PSD2: variants seen among roughly 807,000 people sequenced by gnomAD.
The protein encoded by PSD2 is PH and SEC7 domain-containing protein 2.
PSD2 carries 38 observed loss-of-function variants against 69.8 expected under a neutral mutation model. The ratio of observed to expected loss-of-function variants is 0.54; its 90% CI spans 0.42 to 0.71. The LOEUF is 0.71. PSD2 is among the 30% of genes least tolerant of loss of function. The pLI is 0.00. For missense variants in PSD2, 943 were observed against 1,014.5 expected, an observed-to-expected ratio of 0.93 and a Z score of 0.96; for synonymous variants, 412 against 423.0, an observed-to-expected ratio of 0.97 and a Z score of 0.32.
chr5:139,837,281 C>A lies in PSD2; in HGVS notation c.1665+43C>A. Reference sequence around the variant, plus strand: ...AGACCTTACTCAGAAAGGGCCAGCTCAGTCCCATCCCGCCCTGGCCTTGTG... The same window carrying A: ...AGACCTTACTCAGAAAGGGCCAGCTAAGTCCCATCCCGCCCTGGCCTTGTG... On this transcript the variant is annotated intron_variant, in intron 11 of 14. Transcript: ENST00000274710. The surrounding 1 kb of genome is among the most constrained non-coding windows in gnomAD (Gnocchi z 5.0). The A allele has an allele frequency of 6.3e-7, 1 of 1,588,512 alleles. No individual in the cohort carries two copies. The highest frequency in any genetic ancestry group is 8.6e-7 in the Non-Finnish European group (1 of 1,161,154).
At position 139,842,501 on chromosome 5, in the gene PSD2, T is replaced by TG. The variant is rs773401299; in HGVS notation, c.*30dup. 1 of 1,600,166 alleles carries TG rather than the reference T, an allele frequency of 6.2e-7. No individual in the cohort carries two copies. The highest frequency in any genetic ancestry group is 8.6e-7 in the Non-Finnish European group (1 of 1,169,560). On this transcript the variant is annotated 3_prime_UTR_variant, in exon 15 of 15. Transcript: ENST00000274710. ...TGACATGGATTTGCAGACCCCAGGG[T>TG]GGGCAGATGTCTCCAGTGGGGTCAG...
chr5:139,809,298 G>A (rs564878544), intron 1 of PSD2, 93 bp from the exon 2 acceptor site: 18 of 984,162 alleles, frequency 1.8e-5, no homozygotes, highest in Admixed American at 1.7e-4. Context: ...CCACTCTCAG[G>A]CAGGCTGCTC....
Position 139,840,182 on chromosome 5 carries a change from G to A in PSD2, c.2112+12G>A. 6.2e-7 allele frequency: 1 copy of A among 1,613,496 alleles called. No individual in the cohort carries two copies. The highest frequency in any genetic ancestry group is 1.3e-5 in the African/African-American group (1 of 75,014). Reference sequence around the variant, plus strand: ...ATCTCACCTTCGAGGTGAGCCTTGGGGGACTGGATTGCAAAGCCCAGTGCC... The same window carrying A: ...ATCTCACCTTCGAGGTGAGCCTTGGAGGACTGGATTGCAAAGCCCAGTGCC... On this transcript the variant is annotated intron_variant, in intron 14 of 14. Coordinates refer to ENST00000274710, the MANE Select transcript of PSD2 (RefSeq NM_032289.4).
At position 139,840,168 on chromosome 5, in the gene PSD2, G is replaced by A; in HGVS notation, c.2110G>A (p.Glu704Lys). ...GTTGAAGGAGCACTATCTCACCTTC[G>A]AGGTGAGCCTTGGGGGACTGGATTG... Reference protein sequence around the residue: ...YRLKEHYLTFEKSRYETYIHL... With the variant: ...YRLKEHYLTFKKSRYETYIHL... Residue 704 changes from glutamate to lysine, a missense_variant and splice_region_variant, in exon 14 of 15, where the codon GAG becomes AAG. Glu to Lys is a moderately conservative substitution (Grantham distance 56). Transcript: ENST00000274710. 2 of 1,613,884 alleles carry A rather than the reference G, an allele frequency of 1.2e-6. No individual in the cohort carries two copies. The highest frequency in any genetic ancestry group is 1.7e-6 in the Non-Finnish European group (2 of 1,179,924).
In PSD2 at chr5:139,826,341, A is replaced by G. The variant is rs551338381; in HGVS notation, c.1269+3557A>G. On this transcript the variant is annotated intron_variant, in intron 7 of 14. Transcript: ENST00000274710. ...AACAGCCCAACCTTGTGCATGTGCC[A>G]CCAGGATCAACCCAACAGACAAGAT... Among the ~76,000 whole-genome samples, 6 of 152,320 alleles carry G rather than the reference A, an allele frequency of 3.9e-5. No individual in the cohort carries two copies. In the East Asian group the frequency reaches 1.2e-3, roughly 29 times the overall value.
intron 8 of PSD2, among the ~76,000 whole-genome samples, chr5:139,834,433 A>C (rs1472353701): frequency 6.6e-6 from 1 of 151,158 alleles, no homozygotes; most frequent in Non-Finnish European, 1.5e-5. Context: ...CTATAGGTGC[A>C]TGCCACTGTG....
At chr5:139,776,526 T>C in the PSD2 span, among the ~76,000 whole-genome samples, 1 of 152,296 alleles carries the variant, frequency 6.6e-6, no homozygotes, top group South Asian at 2.1e-4. Flanking sequence ...ATAAGATATG[T>C]ACCCAGAGGC....
rs1426834869 is a variant in PSD2, at chr5:139,837,046, A to C, written c.1594+45A>C. 1 of 1,598,792 alleles carries C rather than the reference A, an allele frequency of 6.3e-7. No homozygotes were observed. Among genetic ancestry groups the C allele is most frequent in the South Asian group, 1.1e-5 (1 of 89,378 alleles). On this transcript the variant is annotated intron_variant, in intron 10 of 14. Transcript: ENST00000274710. This position sits in a 1 kb window ranked among gnomAD's most constrained non-coding sequence, Gnocchi z 5.0. ...AGGGGCATGGGAGGGAGGCTGGCAC[A>C]GAGGGGGGCGCCACGGGCCACTCTT...
upstream of PSD2, among the ~76,000 whole-genome samples, chr5:139,792,875 C>G (rs1759441186): frequency 7.6e-6 from 1 of 131,018 alleles, no homozygotes; most frequent in South Asian, 2.5e-4. Flanking sequence ...TCCTTCCTTC[C>G]TTCCTTCCTT....
the PSD2 span, among the ~76,000 whole-genome samples, chr5:139,780,256 A>G: frequency 2.0e-5 from 3 of 152,188 alleles, no homozygotes; most frequent in Admixed American, 6.5e-5. Context: ...ATACCAGTGA[A>G]GGTTACAATG....
chr5:139,833,782 C>T lies in PSD2; in HGVS notation c.1350C>T (p.Asp450=). The change falls in exon 8 of 15, where the codon GAC becomes GAT. Residue 450 remains aspartate, a synonymous_variant. Coordinates refer to ENST00000274710, the MANE Select transcript of PSD2 (RefSeq NM_032289.4). ...ATGATGGCCAAGACTTTGCCAAAGA[C>T]CTGCTGAAGGTACTGTCTGCTGAGT... ...QLNDGQDFAK[D]LLKTLYNSIK... is the part of the protein sequence containing the mutation. 1 of 1,612,800 alleles carries T rather than the reference C, an allele frequency of 6.2e-7. No individual in the cohort carries two copies. The highest frequency in any genetic ancestry group is 8.5e-7 in the Non-Finnish European group (1 of 1,178,798).
At chr5:139,767,215 G>A in the PSD2 span, among the ~76,000 whole-genome samples, 5 of 151,408 alleles carry the variant, frequency 3.3e-5, no homozygotes, top group Non-Finnish European at 5.9e-5. Flanking sequence ...GGATGGTCTC[G>A]ATCTCCTGAC....
chr5:139,814,245 T>G lies in PSD2; in HGVS notation c.897T>G (p.Ser299Arg), dbSNP rs757433965. ...GCTCGGAGGGGTTGGAGCCTGGTAG[T>G]GCAGACCCTCTGGCCAACGGGTGCC... The part of the protein sequence containing the change: ...LSSSEGLEPG[S>R]ADPLANGCQG... The change falls in exon 4 of 15, where the codon AGT (serine) becomes AGG (arginine). Residue 299 changes from serine to arginine, a missense_variant. Ser to Arg is a moderately radical substitution (Grantham distance 110). This residue lies in a region of PSD2 where 466 missense variants were observed against 445.0 expected (regional missense o/e 1.05). Coordinates refer to ENST00000274710, the MANE Select transcript of PSD2 (RefSeq NM_032289.4). This position sits in a 1 kb window ranked among gnomAD's most constrained non-coding sequence, Gnocchi z 4.4. The G allele has an allele frequency of 6.2e-7, 1 of 1,613,786 alleles. No individual in the cohort carries two copies. The highest frequency in any genetic ancestry group is 8.5e-7 in the Non-Finnish European group (1 of 1,179,896).
rs1453315257 is a variant in PSD2 at position 139,820,656 on chromosome 5, G to A, written c.1098-1237G>A. Among the ~76,000 whole-genome samples, 3 of 152,326 alleles carry A rather than the reference G, an allele frequency of 2.0e-5. No individual in the cohort carries two copies. In the South Asian group the frequency reaches 6.2e-4, roughly 32 times the overall value. ...AAAACCATCTTCTGAACTCAAGACT[G>A]ATGGAGACACCAATGGCCTCAGCCT... On this transcript the variant is annotated intron_variant, in intron 5 of 14. Coordinates refer to ENST00000274710, the MANE Select transcript of PSD2 (RefSeq NM_032289.4).
chr5:139,831,959 G>T (rs575118905), intron 7 of PSD2, among the ~76,000 whole-genome samples: 1 of 152,312 alleles, frequency 6.6e-6, no homozygotes, highest in East Asian at 1.9e-4. Flanking sequence ...AGGCCACTTA[G>T]CCGCTCAGCC....
intron 5 of PSD2, 27 bp from the exon 6 acceptor site, chr5:139,821,866 C>A (rs751093806): frequency 6.8e-7 from 1 of 1,460,018 alleles, no homozygotes. Flanking sequence ...CTCAGACTGC[C>A]CTCAGCAGCT....
chr5:139,765,577 A>G, the PSD2 span, among the ~76,000 whole-genome samples: 4 of 151,202 alleles, frequency 2.6e-5, no homozygotes, highest in African/African-American at 9.8e-5. Flanking sequence ...CCCCTTGCCC[A>G]CCTCCCACCC....
chr5:139,789,958 G>C, the PSD2 span, among the ~76,000 whole-genome samples: 122 of 152,260 alleles, frequency 8.0e-4, 1 homozygote, highest in African/African-American at 2.8e-3. Context: ...CGGATACCTG[G>C]GGGAGGAGTG....
chr5:139,754,975 T>G, the PSD2 span, among the ~76,000 whole-genome samples: 1 of 152,052 alleles, frequency 6.6e-6, no homozygotes, highest in Non-Finnish European at 1.5e-5. Context: ...GTGGAGAGGG[T>G]CCGGGCTGCC....
Sources: gnomAD v4.1 joint callset for allele counts (sites outside exome capture counted in the v4.1 genomes callset) on GRCh38, gnomAD v4.1.1 for gene constraint, gnomAD v4.1.1 regional missense constraint, Gnocchi (gnomAD v3.1) non-coding constraint, MANE v1.5 for transcripts, NCBI Gene and HGNC (gene_info 2026-07-23, HGNC 2026-07-21) for gene names.